RNF220: variants seen among roughly 807,000 people sequenced by gnomAD.
The protein encoded by RNF220 is ring finger protein 220.
Under a neutral mutation model 67.1 loss-of-function variants are expected in RNF220, and 7 were observed. The ratio of observed to expected loss-of-function variants is 0.10; its 90% confidence interval spans 0.06 to 0.20. The LOEUF (loss-of-function observed/expected upper bound fraction) is 0.20, where lower values mean the gene tolerates loss of function less well. Ranked by LOEUF, RNF220 falls within the 10% of genes least tolerant of loss-of-function variation. The probability of loss-of-function intolerance (pLI) is 1.00; values close to 1 mark genes in which losing one functional copy is unlikely to be tolerated. For missense variants in RNF220, 565 were observed against 740.3 expected, an observed-to-expected ratio of 0.76 and a Z score of 2.75; for synonymous variants, 270 against 283.2, an observed-to-expected ratio of 0.95 and a Z score of 0.47.
intron 2 of RNF220, among the ~76,000 whole-genome samples, chr1:44,598,490 A>C (rs1198550883): frequency 6.6e-6 from 1 of 152,146 alleles, no homozygotes; most frequent in Non-Finnish European, 1.5e-5. Context: ...TAAATCCCAC[A>C]CGCCGGTAAT....
chr1:44,632,411 C>T (rs1557461162), intron 6 of RNF220, 26 bp downstream of exon 6: 1 of 1,592,530 alleles, frequency 6.3e-7, no homozygotes, highest in Non-Finnish European at 8.5e-7. Flanking sequence ...CCCCTCCCTC[C>T]GCCCCACCCC....
At chr1:44,425,319 C>G (rs886839092) in intron 2 of RNF220, among the ~76,000 whole-genome samples, 1 of 152,200 alleles carries the variant, frequency 6.6e-6, no homozygotes, top group Non-Finnish European at 1.5e-5. Flanking sequence ...TTGTGCCTCT[C>G]CCATGGGCCC....
intron 6 of RNF220, among the ~76,000 whole-genome samples, chr1:44,635,061 C>T (rs551913582): frequency 6.6e-6 from 1 of 152,282 alleles, no homozygotes; most frequent in East Asian, 1.9e-4. Context: ...AGGAGCTGTA[C>T]CTCAGGGCTC....
At position 44,565,399 on chromosome 1, in the gene RNF220, A is replaced by G. The variant is rs1167979127; in HGVS notation, c.626-48766A>G. On this transcript the variant is annotated intron_variant, in intron 2 of 14. Coordinates refer to ENST00000361799, the MANE Select transcript of RNF220 (RefSeq NM_018150.4). The surrounding 1 kb of genome is among the most constrained non-coding windows in gnomAD (Gnocchi z 4.2). ...CATGGGTCGGGCAAGCACCTCAGCC[A>G]GGGAGTAATGGAGTTAGGGAGGAAG... 6.6e-6 allele frequency among the ~76,000 whole-genome samples: 1 copy of G among 152,188 alleles called. No homozygotes were observed. Among genetic ancestry groups the G allele is most frequent in the Non-Finnish European group, 1.5e-5 (1 of 68,024 alleles).
At chr1:44,557,565 G>GTTCATTCA (rs142044059) in intron 2 of RNF220, among the ~76,000 whole-genome samples, 7 of 148,882 alleles carry the variant, frequency 4.7e-5, no homozygotes, top group African/African-American at 1.5e-4. Context: ...ATATTCACTC[G>GTTCATTCA]TTCATTCATT....
intron 2 of RNF220, among the ~76,000 whole-genome samples, chr1:44,567,604 T>G (rs1664120525): frequency 6.6e-6 from 1 of 151,118 alleles, no homozygotes; most frequent in African/African-American, 2.4e-5. Context: ...GGGGCAGGGG[T>G]GGGAGGGTAA....
At chr1:44,555,757 G>T (rs906492290) in intron 2 of RNF220, among the ~76,000 whole-genome samples, 1 of 150,632 alleles carries the variant, frequency 6.6e-6, no homozygotes, top group Admixed American at 6.6e-5. Flanking sequence ...TTACAGGCGT[G>T]AGCCACCGCG....
At chr1:44,414,908 C>T (rs892380041) in intron 2 of RNF220, among the ~76,000 whole-genome samples, 1 of 150,656 alleles carries the variant, frequency 6.6e-6, no homozygotes, top group Non-Finnish European at 1.5e-5. Context: ...CGTACACCCT[C>T]GTTATTATCC....
intron 2 of RNF220, among the ~76,000 whole-genome samples, chr1:44,481,370 G>A (rs1655791826): frequency 6.6e-6 from 1 of 152,140 alleles, no homozygotes; most frequent in Non-Finnish European, 1.5e-5. Context: ...AGGCTGCAGT[G>A]AGCTGTGATC....
chr1:44,647,085 T>C (rs990904252), intron 12 of RNF220, among the ~76,000 whole-genome samples: 2 of 152,214 alleles, frequency 1.3e-5, no homozygotes, highest in Non-Finnish European at 2.9e-5. Flanking sequence ...GAGTTGGCTA[T>C]TGGCCTTCAG....
intron 2 of RNF220, among the ~76,000 whole-genome samples, chr1:44,519,634 C>T (rs151199028): frequency 2.0e-4 from 31 of 152,254 alleles, no homozygotes; most frequent in South Asian, 4.1e-4. Flanking sequence ...AATCCAGTGT[C>T]GAGCTCAAGG....
intron 2 of RNF220, among the ~76,000 whole-genome samples, chr1:44,492,559 T>C (rs536484793): frequency 6.6e-6 from 1 of 152,232 alleles, no homozygotes; most frequent in South Asian, 2.1e-4. Context: ...TGTGATTTGT[T>C]CATACAATGG....
At chr1:44,632,193 C>T (rs940552929) in intron 5 of RNF220, 150 bp from the exon 6 acceptor site, 2 of 1,587,802 alleles carry the variant, frequency 1.3e-6, no homozygotes, top group Admixed American at 1.8e-5. Context: ...GCAGAGGGGC[C>T]GGCGGGAGGG....
chr1:44,638,806 C>G (rs931600941), intron 8 of RNF220, among the ~76,000 whole-genome samples: 15 of 152,178 alleles, frequency 9.9e-5, no homozygotes, highest in African/African-American at 4.8e-5. Flanking sequence ...GCAGACAGAG[C>G]AGGTGAGCAC....
intron 2 of RNF220, among the ~76,000 whole-genome samples, chr1:44,590,197 G>A (rs994265332): frequency 6.6e-6 from 1 of 152,236 alleles, no homozygotes; most frequent in Non-Finnish European, 1.5e-5. Context: ...GGACATCCCA[G>A]CTCATCCACT....
chr1:44,504,005 A>T (rs1658182039), intron 2 of RNF220, among the ~76,000 whole-genome samples: 1 of 152,142 alleles, frequency 6.6e-6, no homozygotes, highest in South Asian at 2.1e-4. Flanking sequence ...GCGTGCCACC[A>T]TGCCCAGCTA....
rs1426190513 is a variant in RNF220, at chr1:44,626,319, T to C, written c.827T>C (p.Ile276Thr). The C allele has an allele frequency of 6.2e-7, 1 of 1,614,026 alleles. No homozygotes were observed. The highest frequency in any genetic ancestry group is 8.5e-7 in the Non-Finnish European group (1 of 1,179,940). The change falls in exon 5 of 15, where the codon ATC becomes ACC. Residue 276 changes from isoleucine (I) to threonine (T), a missense_variant. By Grantham distance (89) the Ile-to-Thr change is moderately conservative. Transcript: ENST00000361799. ...TPKSLLLSAS[I>T]KREGESPTAS... ...CAGTCCCTCCTGTTGTCTGCTTCCA[T>C]CAAGAGGGAAGGAGAGTCTCCAACG...
intron 2 of RNF220, among the ~76,000 whole-genome samples, chr1:44,591,238 C>T (rs1410683503): frequency 1.3e-5 from 2 of 152,194 alleles, no homozygotes; most frequent in Non-Finnish European, 2.9e-5. Context: ...CAGGCATGAG[C>T]CACTGCACCC....
chr1:44,476,227 A>G (rs1337651217), intron 2 of RNF220, among the ~76,000 whole-genome samples: 2 of 152,108 alleles, frequency 1.3e-5, no homozygotes, highest in Non-Finnish European at 2.9e-5. Context: ...TGGGGTCCAG[A>G]AGGAGCACAT....
Sources: allele counts gnomAD v4.1 joint callset (sites outside exome capture counted in the v4.1 genomes callset), GRCh38; gene constraint gnomAD v4.1.1; non-coding constraint Gnocchi (gnomAD v3.1); transcripts MANE v1.5; gene names NCBI Gene and HGNC (gene_info 2026-07-23, HGNC 2026-07-21).